The following ZHX2 variants were observed in gnomAD, a reference collection of about 807,000 sequenced individuals.
ZHX2 encodes zinc fingers and homeoboxes protein 2.
ZHX2 carries 6 observed loss-of-function variants against 21.9 expected under a neutral mutation model. That is an observed-to-expected ratio of 0.27 (90% CI 0.15 to 0.54). The LOEUF (loss-of-function observed/expected upper bound fraction) is 0.54. Among genes scored for constraint, ZHX2 ranks in the 20% least tolerant of loss-of-function variants. ZHX2 has a pLI of 0.95. For missense variants in ZHX2, 908 were observed against 1,090.7 expected (o/e 0.83, Z 2.36); for synonymous variants, 434 against 437.1 (o/e 0.99, Z 0.09).
At chr8:122,879,520 TA>T (rs1210100284) in intron 2 of ZHX2, among the ~76,000 whole-genome samples, 13 of 146,870 alleles carry the variant, frequency 8.9e-5, no homozygotes, top group African/African-American at 3.4e-4. Context: ...TTTTTTTTTT[TA>T]ATTCTGCGTC....
At chr8:122,816,662 A>G (rs960845702) in intron 1 of ZHX2, 12 of 152,094 alleles carry the variant, frequency 7.9e-5, no homozygotes, top group African/African-American at 2.9e-4. Context: ...CTACAAAACG[A>G]AAGTGCCTAG....
intron 1 of ZHX2, among the ~76,000 whole-genome samples, chr8:122,862,559 C>G (rs1361138313): frequency 1.3e-5 from 2 of 152,180 alleles, no homozygotes; most frequent in African/African-American, 4.8e-5. Flanking sequence ...CGATTGCACC[C>G]TTGAATAGTA....
At chr8:122,879,309 C>T (rs538074318) in intron 2 of ZHX2, among the ~76,000 whole-genome samples, 41 of 152,114 alleles carry the variant, frequency 2.7e-4, no homozygotes, top group African/African-American at 8.7e-4. Flanking sequence ...CAGGTTCAAG[C>T]GATTCTCCTG....
intron 3 of ZHX2, among the ~76,000 whole-genome samples, chr8:122,972,101 G>A (rs1378867173): frequency 6.6e-6 from 1 of 152,122 alleles, no homozygotes; most frequent in Non-Finnish European, 1.5e-5. Context: ...TTCCCTGTGT[G>A]TGAGTCTTCA....
intron 1 of ZHX2, among the ~76,000 whole-genome samples, chr8:122,851,953 C>T (rs1818912029): frequency 1.3e-5 from 2 of 152,224 alleles, no homozygotes; most frequent in Admixed American, 1.3e-4. Context: ...AGGACAGCGG[C>T]CGTGCTTGCA....
chr8:122,951,792 G>A lies in ZHX2; in HGVS notation c.282G>A (p.Thr94=), dbSNP rs377560517. The A allele has an allele frequency of 1.8e-5, 29 of 1,614,070 alleles. No individual in the cohort carries two copies. The highest frequency in any genetic ancestry group is 1.6e-4 in the Middle Eastern group (1 of 6,062). The change falls in exon 3 of 4, where the codon ACG becomes ACA. Residue 94 remains threonine (T), a synonymous_variant. Coordinates refer to ENST00000314393, the MANE Select transcript of ZHX2 (RefSeq NM_014943.5). Reference sequence around the variant, plus strand: ...CCACGCAAAACCTGAACGAGTTCACGGAGCATGTCGACATGCAGCATCCCA... The same window carrying A: ...CCACGCAAAACCTGAACGAGTTCACAGAGCATGTCGACATGCAGCATCCCA... ...PYSTQNLNEF[T]EHVDMQHPNV...
chr8:122,924,393 G>A (rs1483165286), intron 2 of ZHX2, among the ~76,000 whole-genome samples: 1 of 152,190 alleles, frequency 6.6e-6, no homozygotes, highest in Non-Finnish European at 1.5e-5. Context: ...TTGTATTTGG[G>A]CTCATGCCAG....
chr8:122,784,425 G>A lies in ZHX2; in HGVS notation c.-283+2479G>A, dbSNP rs192322717. Among the ~76,000 whole-genome samples the A allele has an allele frequency of 3.6e-3, 555 of 152,284 alleles. 3 individuals are homozygous for A. Among genetic ancestry groups the A allele is most frequent in the African/African-American group, 0.013 (532 of 41,552 alleles). Reference sequence around the variant, plus strand: ...ACTTGCCTGAGCGACACAGCAAAAAGCAAATCCAGGCCTAACTTCATAGCC... The same window carrying A: ...ACTTGCCTGAGCGACACAGCAAAAAACAAATCCAGGCCTAACTTCATAGCC... On this transcript the variant is annotated intron_variant, in intron 1 of 3. Coordinates refer to ENST00000314393, the MANE Select transcript of ZHX2 (RefSeq NM_014943.5).
chr8:122,822,726 G>A (rs949461063), intron 1 of ZHX2, among the ~76,000 whole-genome samples: 4 of 152,192 alleles, frequency 2.6e-5, no homozygotes, highest in Admixed American at 6.5e-5. Flanking sequence ...ACTTCTTGCC[G>A]GGTGAATGTG....
chr8:122,841,039 C>T (rs1818612720), intron 1 of ZHX2, among the ~76,000 whole-genome samples: 1 of 152,214 alleles, frequency 6.6e-6, no homozygotes, highest in East Asian at 1.9e-4. Context: ...CATGAAAACT[C>T]TTGTTTCGAA....
Position 122,954,002 on chromosome 8 carries a change from C to T in ZHX2, c.2492C>T (p.Pro831Leu), listed in dbSNP as rs780091873. ...ELAESDSDCV[P>L]AEAGQA is the part of the protein sequence containing the mutation. The stretch of plus-strand genomic sequence containing the variant: ...GCTGAATCAGACTCCGACTGCGTCC[C>T]TGCAGAGGCTGGCCAGGCCTAGACA... The change falls in exon 3 of 4, where the codon CCT becomes CTT. Residue 831 changes from proline (P) to leucine (L), a missense_variant. Coordinates refer to ENST00000314393, the MANE Select transcript of ZHX2 (RefSeq NM_014943.5). The T allele has an allele frequency of 6.2e-7, 1 of 1,604,826 alleles. No individual in the cohort carries two copies. Among genetic ancestry groups the T allele is most frequent in the Non-Finnish European group, 8.5e-7 (1 of 1,174,606 alleles).
intron 2 of ZHX2, among the ~76,000 whole-genome samples, chr8:122,921,581 G>A (rs1183785105): frequency 6.6e-6 from 1 of 152,102 alleles, no homozygotes; most frequent in African/African-American, 2.4e-5. Context: ...GGAGGCCAAG[G>A]TGGGAGGATT....
intron 1 of ZHX2, among the ~76,000 whole-genome samples, chr8:122,856,591 G>A (rs977007053): frequency 5.3e-5 from 8 of 152,128 alleles, no homozygotes; most frequent in African/African-American, 1.4e-4. Flanking sequence ...AACAGGAGCC[G>A]TAATCAAAGG....
rs1818304069 is a variant in ZHX2 at position 122,828,293 on chromosome 8, A to C, written c.-282-35184A>C. The stretch of plus-strand genomic sequence containing the variant: ...ATGAAACAAAAATTCCTGTTTCTTC[A>C]GGAGCTGAAGATAGAGAAAGTATCT... On this transcript the variant is annotated intron_variant, in intron 1 of 3. Transcript: ENST00000314393. This position sits in a 1 kb window ranked among gnomAD's most constrained non-coding sequence, Gnocchi z 5.2. 6.6e-6 allele frequency among the ~76,000 whole-genome samples: 1 copy of C among 152,222 alleles called. No individual in the cohort carries two copies. Among genetic ancestry groups the C allele is most frequent in the Admixed American group, 6.5e-5 (1 of 15,284 alleles).
At position 122,846,549 on chromosome 8, in the gene ZHX2, A is replaced by ATT. The variant is rs201581677; in HGVS notation, c.-282-16910_-282-16909dup. On this transcript the variant is annotated intron_variant, in intron 1 of 3. Transcript: ENST00000314393. ...CCTTCTAATGTTTCAGACTTTGTGT[A>ATT]TTTTTTTTTTTTTTTTTTTGCCAGT... Among the ~76,000 whole-genome samples the ATT allele has an allele frequency of 2.9e-3, 328 of 111,266 alleles. 2 individuals are homozygous for ATT. The highest frequency in any genetic ancestry group is 8.5e-3 in the African/African-American group (276 of 32,358). The allele number at this position is 111,266 out of a possible 152,430, so 73.0% of individuals were successfully genotyped here.
intron 2 of ZHX2, among the ~76,000 whole-genome samples, chr8:122,908,581 G>T (rs1206751353): frequency 6.6e-6 from 1 of 152,134 alleles, no homozygotes. Flanking sequence ...CGAGCCTATA[G>T]TGGTCCTTGT....
At chr8:122,930,906 A>G (rs1467309543) in intron 2 of ZHX2, among the ~76,000 whole-genome samples, 1 of 152,030 alleles carries the variant, frequency 6.6e-6, no homozygotes, top group Non-Finnish European at 1.5e-5. Flanking sequence ...ATCCACCAAG[A>G]TGTCACACCA....
chr8:122,895,000 C>T (rs1820063845), intron 2 of ZHX2, among the ~76,000 whole-genome samples: 1 of 152,174 alleles, frequency 6.6e-6, no homozygotes, highest in African/African-American at 2.4e-5. Context: ...GACCCCCAGG[C>T]AGAAAATGCA....
intron 3 of ZHX2, among the ~76,000 whole-genome samples, chr8:122,972,918 C>T (rs1260098043): frequency 1.3e-5 from 2 of 152,092 alleles, no homozygotes; most frequent in African/African-American, 4.8e-5. Context: ...GGTTGACTTT[C>T]TAGGAATAAT....
Sources: gnomAD v4.1 joint callset for allele counts (sites outside exome capture counted in the v4.1 genomes callset) on GRCh38, gnomAD v4.1.1 for gene constraint, Gnocchi (gnomAD v3.1) non-coding constraint, MANE v1.5 for transcripts, NCBI Gene and HGNC (gene_info 2026-07-23, HGNC 2026-07-21) for gene names.